The following SEMA6A variants were observed in gnomAD, a reference collection of about 807,000 sequenced individuals.
SEMA6A encodes semaphorin-6A.
Under a neutral mutation model 96.8 loss-of-function variants are expected in SEMA6A, and 25 were observed. The observed-to-expected ratio is 0.26, with a 90% CI of 0.19 to 0.36. SEMA6A has a LOEUF of 0.36. Among genes scored for constraint, SEMA6A ranks in the 10% least tolerant of loss-of-function variants. SEMA6A has a pLI of 1.00. For missense variants in SEMA6A, 1,363 were observed against 1,323.1 expected, an observed-to-expected ratio of 1.03 and a Z score of -0.47; for synonymous variants, 612 against 518.0, an observed-to-expected ratio of 1.18 and a Z score of -2.46.
chr5:116,567,322 G>A (rs992607477), intron 1 of SEMA6A, among the ~76,000 whole-genome samples: 1 of 151,978 alleles, frequency 6.6e-6, no homozygotes, highest in Non-Finnish European at 1.5e-5. Flanking sequence ...CTAGTCCAAA[G>A]GTTGTTTTCT....
At position 116,478,725 on chromosome 5, in the gene SEMA6A, T is replaced by C. The variant is rs774108416; in HGVS notation, c.1251-7A>G. The C allele has an allele frequency of 5.0e-6, 8 of 1,611,054 alleles. No individual in the cohort carries two copies. In the South Asian group the frequency reaches 7.8e-5, roughly 16 times the overall value. On this transcript the variant is annotated splice_region_variant and splice_polypyrimidine_tract_variant and intron_variant, in intron 12 of 18. Transcript: ENST00000343348. Reference sequence around the variant, plus strand: ...AATTTTGGTAAGGCGGTATCTAAAATGACAGGACCACATTTCTTATCTCTT... The same window carrying C: ...AATTTTGGTAAGGCGGTATCTAAAACGACAGGACCACATTTCTTATCTCTT...
At chr5:116,505,003 G>T in intron 1 of SEMA6A, 21 bp from the exon 2 acceptor site, 1 of 1,233,324 alleles carries the variant, frequency 8.1e-7, no homozygotes, top group Non-Finnish European at 1.2e-6. Context: ...GTAAAGAACA[G>T]ATTTTTTTCC....
chr5:116,483,190 T>C (rs1455518419), intron 10 of SEMA6A, among the ~76,000 whole-genome samples: 2 of 152,230 alleles, frequency 1.3e-5, no homozygotes, highest in Non-Finnish European at 2.9e-5. Flanking sequence ...CTTTATAAAG[T>C]GATAAATAAC....
At chr5:116,560,625 A>G (rs1351302905) in intron 1 of SEMA6A, among the ~76,000 whole-genome samples, 2 of 152,062 alleles carry the variant, frequency 1.3e-5, no homozygotes, top group African/African-American at 4.8e-5. Flanking sequence ...CAGAGTATCT[A>G]ATTCAACCTT....
intron 1 of SEMA6A, among the ~76,000 whole-genome samples, chr5:116,509,200 A>T (rs1488095268): frequency 6.6e-6 from 1 of 152,212 alleles, no homozygotes; most frequent in Admixed American, 6.5e-5. Context: ...CATTTTAATA[A>T]TAAGTGATAG....
chr5:116,573,318 C>G (rs972751711), intron 1 of SEMA6A, among the ~76,000 whole-genome samples: 2 of 152,066 alleles, frequency 1.3e-5, no homozygotes, highest in African/African-American at 4.8e-5. Context: ...GGTCATCTTT[C>G]CAGAGCGAGA....
Position 116,445,821 on chromosome 5 carries a change from G to A in SEMA6A, c.*792C>T, listed in dbSNP as rs1754143611. ...CAGTTAATGGATTTCACGTTAAATA[G>A]TTTAACTTTCAATGGGCTTTCTGAA... On this transcript the variant is annotated 3_prime_UTR_variant, in exon 19 of 19. Transcript: ENST00000343348. The A allele has an allele frequency of 6.6e-6, 1 of 152,648 alleles. No homozygotes were observed. Among genetic ancestry groups the A allele is most frequent in the Admixed American group, 6.5e-5 (1 of 15,276 alleles). The allele number at this position is 152,648 out of a possible 1,614,324, so 9.5% of individuals were successfully genotyped here.
At chr5:116,452,751 A>G (rs17139822) in intron 18 of SEMA6A, among the ~76,000 whole-genome samples, 3,036 of 152,266 alleles carry the variant, frequency 0.02, 104 homozygotes, top group African/African-American at 0.069. Flanking sequence ...CTCTGAGACA[A>G]TTTGCTTTAG....
chr5:116,512,667 A>T (rs945295531), intron 1 of SEMA6A, among the ~76,000 whole-genome samples: 18 of 151,034 alleles, frequency 1.2e-4, no homozygotes, highest in African/African-American at 4.4e-4. Flanking sequence ...TGATTCTGTT[A>T]TGTTCGTTTT....
chr5:116,489,290 G>C (rs1757214490), intron 7 of SEMA6A, among the ~76,000 whole-genome samples: 1 of 152,122 alleles, frequency 6.6e-6, no homozygotes, highest in African/African-American at 2.4e-5. Flanking sequence ...AAAGATGTCT[G>C]CTTCACTTGA....
chr5:116,560,167 A>G (rs1368395713), intron 1 of SEMA6A, among the ~76,000 whole-genome samples: 1 of 152,160 alleles, frequency 6.6e-6, no homozygotes, highest in African/African-American at 2.4e-5. Flanking sequence ...TCACTCCGCA[A>G]TTGAAATGCT....
At chr5:116,545,326 T>G (rs1760141239) in intron 1 of SEMA6A, among the ~76,000 whole-genome samples, 2 of 151,978 alleles carry the variant, frequency 1.3e-5, no homozygotes, top group African/African-American at 4.8e-5. Context: ...TCCCAGCACT[T>G]TGGGAGGCTG....
At chr5:116,553,390 T>A (rs1300532163) in intron 1 of SEMA6A, among the ~76,000 whole-genome samples, 1 of 152,124 alleles carries the variant, frequency 6.6e-6, no homozygotes, top group Non-Finnish European at 1.5e-5. Flanking sequence ...TTGGTGTCAT[T>A]AGCGTCTATT....
intron 18 of SEMA6A, among the ~76,000 whole-genome samples, chr5:116,465,958 G>A (rs983571468): frequency 2.7e-5 from 4 of 148,930 alleles, no homozygotes; most frequent in African/African-American, 7.4e-5. Context: ...GCTAAGGCTT[G>A]TAATCTGTCC....
intron 3 of SEMA6A, among the ~76,000 whole-genome samples, chr5:116,499,437 C>T (rs1193262870): frequency 2.2e-5 from 1 of 45,100 alleles, no homozygotes; most frequent in African/African-American, 8.8e-5. Context: ...GGGTGGGGTG[C>T]GGGGAGGGAT....
chr5:116,530,343 G>T (rs1388568503), intron 1 of SEMA6A, among the ~76,000 whole-genome samples: 1 of 152,112 alleles, frequency 6.6e-6, no homozygotes, highest in Non-Finnish European at 1.5e-5. Flanking sequence ...GTTATGCATG[G>T]TCTTAATTTT....
At chr5:116,514,597 T>C (rs1758581142) in intron 1 of SEMA6A, among the ~76,000 whole-genome samples, 1 of 152,182 alleles carries the variant, frequency 6.6e-6, no homozygotes, top group South Asian at 2.1e-4. Context: ...AAAAGGTCAC[T>C]TGCCGAATGT....
intron 12 of SEMA6A, 45 bp from the exon 13 acceptor site, chr5:116,478,763 A>T (rs776183566): frequency 1.9e-6 from 3 of 1,583,378 alleles, no homozygotes; most frequent in Non-Finnish European, 2.6e-6. Context: ...TTGGTCTATC[A>T]TTAAAGTGTT....
chr5:116,495,676 G>T lies in SEMA6A; in HGVS notation c.343-162C>A, dbSNP rs1199887491. ...TTCCTGATGTTAACCACAAGATGATGCCGACATCAACGATTACTCTTTCAA... is the reference window on the plus strand; with the variant it reads ...TTCCTGATGTTAACCACAAGATGATTCCGACATCAACGATTACTCTTTCAA... On this transcript the variant is annotated intron_variant, in intron 5 of 18. Coordinates refer to ENST00000343348, the MANE Select transcript of SEMA6A (RefSeq NM_020796.5). The T allele has an allele frequency of 2.6e-5, 15 of 569,900 alleles. 1 individual carries two copies. The Admixed American group carries it at 2.9e-4, about 11-fold the overall frequency. 35.3% of individuals were successfully genotyped at this position (569,900 alleles called of 1,614,324 possible). A position where few individuals can be genotyped will look rare whatever the true frequency, so the allele number is the denominator to read the frequency against.
Sources: gnomAD v4.1 joint callset for allele counts (sites outside exome capture counted in the v4.1 genomes callset) on GRCh38, gnomAD v4.1.1 for gene constraint, MANE v1.5 for transcripts, NCBI Gene and HGNC (gene_info 2026-07-23, HGNC 2026-07-21) for gene names.